Variants in DMD observed in about 807,000 individuals in gnomAD.
DMD encodes dystrophin, also known as mutant dystrophin.
A neutral mutation model predicts 330.1 loss-of-function variants in DMD; 63 were observed. The ratio of observed to expected loss-of-function variants is 0.19; its 90% CI spans 0.16 to 0.24. The LOEUF is 0.24. Ranked by LOEUF, DMD falls within the 10% of genes least tolerant of loss-of-function variation. The pLI, the probability that DMD is intolerant of heterozygous loss-of-function variation, is 1.00. For synonymous variants in DMD, 1,223 were observed against 959.8 expected (o/e 1.27, Z -5.07); for missense variants, 3,344 against 2,684.1 (o/e 1.25, Z -5.43).
intron 29 of DMD, among the ~76,000 whole-genome samples, chrX:32,423,115 T>G (rs1298168189): frequency 9.0e-6 from 1 of 111,296 alleles, no homozygotes; most frequent in Non-Finnish European, 1.9e-5. Flanking sequence ...ACTAAAATGC[T>G]ACTTTATCAA....
intron 2 of DMD, among the ~76,000 whole-genome samples, chrX:32,955,095 T>C (rs989082289): frequency 2.7e-5 from 3 of 111,978 alleles, no homozygotes; most frequent in African/African-American, 9.7e-5. Context: ...TTTCTGTCTG[T>C]AGGTCTTTGA....
intron 2 of DMD, among the ~76,000 whole-genome samples, chrX:32,948,891 A>T (rs899886022): frequency 4.5e-5 from 5 of 111,887 alleles, no homozygotes; most frequent in African/African-American, 1.6e-4. Context: ...ATCGATACCA[A>T]GATGTGATTG....
intron 52 of DMD, among the ~76,000 whole-genome samples, chrX:31,709,555 GCTCTCTCTCT>G (rs753402977): frequency 2.2e-5 from 2 of 89,772 alleles, no homozygotes; most frequent in East Asian, 3.5e-4. Flanking sequence ...TTATTGTACA[GCTCTCTCTCT>G]CTCTCTCTCT....
intron 1 of DMD, among the ~76,000 whole-genome samples, chrX:33,079,523 T>C (rs184860230): frequency 9.0e-6 from 1 of 111,709 alleles, no homozygotes; most frequent in Admixed American, 9.6e-5. Context: ...TCAGAACATA[T>C]GTCAATCATA....
Position 31,209,562 on chromosome X carries a change from T to C in DMD, c.9499A>G (p.Asn3167Asp), listed in dbSNP as rs781509861. 5.0e-6 allele frequency: 6 copies of C among 1,211,317 alleles called. No homozygotes were observed. Among genetic ancestry groups the C allele is most frequent in the East Asian group, 3.0e-5 (1 of 33,828 alleles). ...ACGCAGAGAGGGACGTTGACCAAAT[T>C]GTTGTGCTCTTGCTCCAGGCGGTCA... Reference protein sequence around the residue: ...IYDRLEQEHNNLVNVPLCVDM... With the variant: ...IYDRLEQEHNDLVNVPLCVDM... Residue 3167 changes from asparagine to aspartate, a missense_variant, in exon 65 of 79, where the codon AAT (asparagine) becomes GAT (aspartate). Physicochemically the swap from Asn to Asp is conservative, Grantham distance 23. Coordinates refer to ENST00000357033, the MANE Select transcript of DMD (RefSeq NM_004006.3).
intron 44 of DMD, among the ~76,000 whole-genome samples, chrX:32,130,141 G>A (rs1283540118): frequency 9.0e-6 from 1 of 110,773 alleles, no homozygotes; most frequent in Admixed American, 9.7e-5. Context: ...ACAAGGGGGT[G>A]AGGACACTGA....
intron 1 of DMD, among the ~76,000 whole-genome samples, chrX:33,318,150 T>C (rs2053959937): frequency 9.0e-6 from 1 of 111,060 alleles, no homozygotes; most frequent in Non-Finnish European, 1.9e-5. Context: ...ACTTATCATT[T>C]TTTGGTCAAA....
At chrX:32,670,680 A>G (rs764311007) in intron 9 of DMD, among the ~76,000 whole-genome samples, 8 of 112,526 alleles carry the variant, frequency 7.1e-5, no homozygotes, top group African/African-American at 2.6e-4. Context: ...GAATTTTAAG[A>G]AAGTAAGCAA....
In DMD at chrX:32,816,599, T is replaced by A. The variant is rs1358899513; in HGVS notation, c.399A>T (p.Gln133His). ...TCAGGAGAATCTTTTCACTGTTGGT[T>A]TGTTGCAATCCAGCCATGATATTTT... The part of the protein sequence containing the change: ...VMKNIMAGLQ[Q>H]TNSEKILLSW... Residue 133 changes from glutamine (Q) to histidine (H), a missense_variant, in exon 6 of 79, where the codon CAA becomes CAT. Physicochemically the swap from Gln to His is conservative, Grantham distance 24. Transcript: ENST00000357033. 1 of 1,210,005 alleles carries A rather than the reference T, an allele frequency of 8.3e-7. No homozygotes were observed. Among genetic ancestry groups the A allele is most frequent in the African/African-American group, 1.7e-5 (1 of 57,236 alleles).
At chrX:31,428,915 T>G (rs1428922908) in intron 60 of DMD, among the ~76,000 whole-genome samples, 1 of 109,914 alleles carries the variant, frequency 9.1e-6, no homozygotes, top group Non-Finnish European at 1.9e-5. Flanking sequence ...AGGTCAGGAG[T>G]TCGAGACCAG....
chrX:31,266,689 G>T, intron 62 of DMD: 1 of 743,423 alleles, frequency 1.3e-6, no homozygotes, highest in South Asian at 2.2e-5. Flanking sequence ...CCAGCCGCCC[G>T]GCGCCCCGGG....
chrX:31,658,596 C>T lies in DMD; in HGVS notation c.7873-452G>A, dbSNP rs189846032. On this transcript the variant is annotated intron_variant, in intron 53 of 78. Coordinates refer to ENST00000357033, the MANE Select transcript of DMD (RefSeq NM_004006.3). ...ACTGGCGTTCAACTAAACCTGCATA[C>T]AGAAAATATTGAACAACAAAAGAAT... is the stretch of plus-strand genomic sequence containing the variant. Among the ~76,000 whole-genome samples, 13 of 112,311 alleles carry T rather than the reference C, an allele frequency of 1.2e-4. No individual in the cohort carries two copies. The East Asian group carries it at 3.6e-3, about 31-fold the overall frequency.
intron 7 of DMD, among the ~76,000 whole-genome samples, chrX:32,750,028 C>T (rs768652371): frequency 2.7e-5 from 3 of 112,066 alleles, no homozygotes; most frequent in South Asian, 3.7e-4. Flanking sequence ...AAAAAACAGA[C>T]GCCTTGCCTT....
chrX:33,318,354 C>T (rs999480143), intron 1 of DMD, among the ~76,000 whole-genome samples: 1 of 109,631 alleles, frequency 9.1e-6, no homozygotes, highest in African/African-American at 3.3e-5. Context: ...TATACATGTT[C>T]GATTAGATGA....
chrX:32,296,402 T>TAAAC (rs1195028566), intron 42 of DMD, among the ~76,000 whole-genome samples: 2 of 110,005 alleles, frequency 1.8e-5, no homozygotes, highest in Admixed American at 9.7e-5. Flanking sequence ...AATAAACAAT[T>TAAAC]AAACAAACAA....
intron 74 of DMD, among the ~76,000 whole-genome samples, chrX:31,152,587 G>A (rs978666482): frequency 9.1e-6 from 1 of 110,050 alleles, no homozygotes. Context: ...AGGATGGAGT[G>A]CAGTGGCACA....
chrX:32,389,935 C>T (rs1024100621), intron 31 of DMD, 136 bp downstream of exon 31: 1 of 558,709 alleles, frequency 1.8e-6, no homozygotes, highest in Non-Finnish European at 3.0e-6. Flanking sequence ...GCAAAACACT[C>T]ATTGTTTAGA....
intron 45 of DMD, among the ~76,000 whole-genome samples, chrX:31,937,342 T>A (rs973825159): frequency 1.8e-5 from 2 of 111,624 alleles, no homozygotes; most frequent in Non-Finnish European, 3.8e-5. Context: ...TTAAGAACTC[T>A]CAGAATAAAT....
At chrX:31,329,969 C>CAAAAAAAAA (rs142353794) in intron 61 of DMD, among the ~76,000 whole-genome samples, 1 of 12,878 alleles carries the variant, frequency 7.8e-5, no homozygotes, top group African/African-American at 3.1e-4. Context: ...GATTCCATCT[C>CAAAAAAAAA]AAAAAAAAAA....
Sources: gnomAD v4.1 joint callset for allele counts (sites outside exome capture counted in the v4.1 genomes callset) on GRCh38, gnomAD v4.1.1 for gene constraint, MANE v1.5 for transcripts, NCBI Gene and HGNC (gene_info 2026-07-23, HGNC 2026-07-21) for gene names.